MCF2: variants seen among roughly 807,000 people sequenced by gnomAD.
MCF2 encodes proto-oncogene DBL.
In MCF2, 44 loss-of-function variants were observed where a neutral mutation model predicts 82.5. That is an observed-to-expected ratio of 0.53 (90% confidence interval 0.42 to 0.69). The LOEUF (loss-of-function observed/expected upper bound fraction) is 0.69, where lower values mean the gene tolerates loss of function less well. MCF2 is among the 30% of genes least tolerant of loss of function. The pLI, the probability that MCF2 is intolerant of heterozygous loss-of-function variation, is 0.00. For missense variants in MCF2, 623 were observed against 663.1 expected (o/e 0.94, Z 0.66); for synonymous variants, 217 against 224.9 (o/e 0.96, Z 0.32).
chrX:139,586,927 C>A lies in MCF2; in HGVS notation c.2523-440G>T, dbSNP rs140894978. ...CTATAATGTACGATAAAAGATGGAG[C>A]TTTTTGAACTCTGAAAGATAAAGAC... On this transcript the variant is annotated intron_variant, in intron 22 of 24. Transcript: ENST00000370576. Among the ~76,000 whole-genome samples the A allele has an allele frequency of 7.3e-3, 818 of 111,688 alleles. 5 individuals carry two copies. The highest frequency in any genetic ancestry group is 0.024 in the African/African-American group (746 of 30,796).
chrX:139,678,106 T>C (rs951504675), intron 1 of MCF2, among the ~76,000 whole-genome samples: 3 of 111,778 alleles, frequency 2.7e-5, no homozygotes, highest in African/African-American at 9.8e-5. Flanking sequence ...GAGGCTGCAG[T>C]GAGCTGTGAT....
At chrX:139,610,565 C>G (rs1931420464) in intron 10 of MCF2, among the ~76,000 whole-genome samples, 1 of 111,917 alleles carries the variant, frequency 8.9e-6, no homozygotes, top group Admixed American at 9.5e-5. Context: ...TCTCATTCAT[C>G]AAACATTCAC....
chrX:139,619,364 T>C (rs1250463367), intron 7 of MCF2, among the ~76,000 whole-genome samples: 1 of 110,580 alleles, frequency 9.0e-6, no homozygotes, highest in Non-Finnish European at 1.9e-5. Flanking sequence ...GATAAAAGGC[T>C]ACAAATAGGG....
At chrX:139,641,474 T>C (rs1375934413) in intron 1 of MCF2, among the ~76,000 whole-genome samples, 1 of 111,118 alleles carries the variant, frequency 9.0e-6, no homozygotes, top group Non-Finnish European at 1.9e-5. Context: ...TACACACCTA[T>C]TGATGTTCAC....
At chrX:139,640,573 T>A (rs1933505152) in intron 1 of MCF2, among the ~76,000 whole-genome samples, 1 of 111,408 alleles carries the variant, frequency 9.0e-6, no homozygotes, top group South Asian at 3.8e-4. Context: ...TTCTACCAAG[T>A]AACTAGTTCA....
chrX:139,605,902 G>A (rs1473393949), intron 12 of MCF2, 123 bp from the exon 17 acceptor site: 3 of 453,988 alleles, frequency 6.6e-6, no homozygotes, highest in East Asian at 4.3e-5. Flanking sequence ...AATGGTTTTC[G>A]TTTTAGCATC....
intron 12 of MCF2, 93 bp from the exon 17 acceptor site, chrX:139,605,872 G>A (rs986929116): frequency 1.6e-6 from 1 of 642,756 alleles, no homozygotes; most frequent in African/African-American, 2.3e-5. Flanking sequence ...GGTAAAAATA[G>A]CTAATGCATA....
chrX:139,688,498 A>G (rs2148572882), intron 1 of MCF2, among the ~76,000 whole-genome samples: 1 of 111,884 alleles, frequency 8.9e-6, no homozygotes, highest in African/African-American at 3.2e-5. Flanking sequence ...CCATACTGGA[A>G]TGCACACTGA....
chrX:139,665,387 T>G (rs1934480987), intron 1 of MCF2, among the ~76,000 whole-genome samples: 1 of 111,913 alleles, frequency 8.9e-6, no homozygotes. Flanking sequence ...CTGGCCTGAA[T>G]GCTCACTTTG....
At chrX:139,593,726 T>A (rs1419686253) in intron 19 of MCF2, among the ~76,000 whole-genome samples, 8 of 111,365 alleles carry the variant, frequency 7.2e-5, no homozygotes, top group African/African-American at 2.6e-4. Flanking sequence ...GCAAGGCTGG[T>A]TCAATATACG....
intron 1 of MCF2, among the ~76,000 whole-genome samples, chrX:139,652,271 A>G (rs150155118): frequency 0.018 from 2,017 of 111,901 alleles, 43 homozygotes; most frequent in African/African-American, 0.061. Context: ...GTGGTTAACC[A>G]TATAGGCTTC....
chrX:139,671,898 CTTGGGCAGTATGGCCATT>C (rs1477693447), intron 1 of MCF2, among the ~76,000 whole-genome samples: 1 of 111,453 alleles, frequency 9.0e-6, no homozygotes, highest in Non-Finnish European at 1.9e-5. Context: ...TATAAATTAC[CTTGGGCAGTATGGCCATT>C]TTCGCGATAC....
intron 1 of MCF2, among the ~76,000 whole-genome samples, chrX:139,701,429 A>G (rs1283179264): frequency 8.9e-6 from 1 of 112,371 alleles, no homozygotes; most frequent in East Asian, 2.8e-4. Flanking sequence ...AAAGGAGATT[A>G]TCCATGAAAA....
chrX:139,643,576 T>C (rs780869284), upstream of MCF2, among the ~76,000 whole-genome samples: 1 of 111,159 alleles, frequency 9.0e-6, no homozygotes, highest in Non-Finnish European at 1.9e-5. Context: ...TCAGAATCTG[T>C]ACCCCTCCCT....
intron 1 of MCF2, among the ~76,000 whole-genome samples, chrX:139,705,355 C>T (rs764813287): frequency 2.7e-5 from 3 of 111,801 alleles, no homozygotes; most frequent in Non-Finnish European, 3.8e-5. Flanking sequence ...GGTAGTGGTA[C>T]AAAAACAGAC....
intron 1 of MCF2, chrX:139,692,035 T>C (rs1329371396): frequency 8.6e-7 from 1 of 1,165,787 alleles, no homozygotes; most frequent in African/African-American, 1.8e-5. Flanking sequence ...GCTATCGGCA[T>C]GAAAGTGCAG....
chrX:139,621,749 C>A (rs765064756), intron 6 of MCF2, among the ~76,000 whole-genome samples: 17 of 111,402 alleles, frequency 1.5e-4, no homozygotes, highest in Non-Finnish European at 1.5e-4. Context: ...TAAAGACTTA[C>A]ATGTTAGACC....
intron 1 of MCF2, among the ~76,000 whole-genome samples, chrX:139,670,637 T>C (rs1934657914): frequency 9.0e-6 from 1 of 111,652 alleles, no homozygotes; most frequent in African/African-American, 3.3e-5. Context: ...GCACAGGACA[T>C]GAACTCATCC....
chrX:139,630,336 A>G (rs1014296876), intron 3 of MCF2, among the ~76,000 whole-genome samples: 6 of 111,275 alleles, frequency 5.4e-5, no homozygotes, highest in African/African-American at 2.0e-4. Context: ...CGGGGGAAAA[A>G]CTAGTCACAA....
Sources: allele counts gnomAD v4.1 joint callset (sites outside exome capture counted in the v4.1 genomes callset), GRCh38; gene constraint gnomAD v4.1.1; transcripts MANE v1.5; gene names NCBI Gene and HGNC (gene_info 2026-07-23, HGNC 2026-07-21).